Variants in LSM14A observed in about 807,000 individuals in gnomAD.
The protein encoded by LSM14A is protein LSM14 homolog A.
Under a neutral mutation model 52.4 loss-of-function variants are expected in LSM14A, and 14 were observed. That is an observed-to-expected ratio of 0.27 (90% confidence interval 0.18 to 0.42). LSM14A has a LOEUF of 0.42. LSM14A is among the 10% of genes least tolerant of loss of function. The pLI is 1.00. For missense variants in LSM14A, 417 were observed against 581.8 expected, an observed-to-expected ratio of 0.72 and a Z score of 2.91; for synonymous variants, 185 against 200.3, an observed-to-expected ratio of 0.92 and a Z score of 0.64.
chr19:34,192,752 A>C (rs2070538711), intron 1 of LSM14A, among the ~76,000 whole-genome samples: 1 of 150,558 alleles, frequency 6.6e-6, no homozygotes, highest in Non-Finnish European at 1.5e-5. Flanking sequence ...AAGCGGATGG[A>C]TCACTTGAGG....
At chr19:34,224,679 C>T (rs2073248189) in intron 9 of LSM14A, among the ~76,000 whole-genome samples, 1 of 152,182 alleles carries the variant, frequency 6.6e-6, no homozygotes, top group African/African-American at 2.4e-5. Context: ...TATATTTGGC[C>T]TCATTCCTCA....
In LSM14A at chr19:34,227,714, T is replaced by TA. The variant is rs1348169887; in HGVS notation, c.*327dup. On this transcript the variant is annotated 3_prime_UTR_variant, in exon 10 of 10. Transcript: ENST00000544216. Reference sequence around the variant, plus strand: ...TCATCACTGAAAGGTTTTTTTTTTTTATCACTAAATTGTATTTGGCAATTG... The same window carrying TA: ...TCATCACTGAAAGGTTTTTTTTTTTTAATCACTAAATTGTATTTGGCAATTG... The TA allele has an allele frequency of 2.6e-5, 7 of 269,312 alleles. No homozygotes were observed. The highest frequency in any genetic ancestry group is 5.4e-5 in the Admixed American group (1 of 18,476). 16.7% of individuals were successfully genotyped at this position (269,312 alleles called of 1,614,324 possible). A position where few individuals can be genotyped will look rare whatever the true frequency, so the allele number is the denominator to read the frequency against.
At chr19:34,172,841 C>T (rs1367548895) in intron 1 of LSM14A, 78 bp downstream of exon 1, 2 of 1,440,162 alleles carry the variant, frequency 1.4e-6, no homozygotes, top group Non-Finnish European at 1.8e-6. Context: ...CCCGCGGCCT[C>T]CTCGTTCCCT....
chr19:34,198,509 G>A (rs2071039922), intron 3 of LSM14A, among the ~76,000 whole-genome samples: 1 of 152,140 alleles, frequency 6.6e-6, no homozygotes, highest in South Asian at 2.1e-4. Flanking sequence ...CCGGCTACTA[G>A]GGAGGCTGAG....
intron 1 of LSM14A, among the ~76,000 whole-genome samples, chr19:34,180,260 A>AAAAT (rs1842968529): frequency 6.6e-6 from 1 of 152,204 alleles, no homozygotes; most frequent in Admixed American, 6.5e-5. Context: ...GTTGGTCTGT[A>AAAAT]AAATAATTTA....
In LSM14A at chr19:34,221,673, C is replaced by G. The variant is rs772084356; in HGVS notation, c.1303C>G (p.Arg435Gly). The change falls in exon 9 of 10, where the codon CGA (arginine) becomes GGA (glycine). Residue 435 changes from arginine (R) to glycine (G), a missense_variant. Arg to Gly is a moderately radical substitution (Grantham distance 125, BLOSUM62 -2). Coordinates refer to ENST00000544216, the MANE Select transcript of LSM14A (RefSeq NM_015578.4). Reference sequence around the variant, plus strand: ...CAGAGGTGGTACCTTCACTGCCCCTCGAGGATTTCGCGGTGGATTCAGAGG... The same window carrying G: ...CAGAGGTGGTACCTTCACTGCCCCTGGAGGATTTCGCGGTGGATTCAGAGG... The part of the protein sequence containing the change: ...GGRGGTFTAP[R>G]GFRGGFRGGR... The G allele has an allele frequency of 6.2e-7, 1 of 1,613,958 alleles. No homozygotes were observed. The highest frequency in any genetic ancestry group is 8.5e-7 in the Non-Finnish European group (1 of 1,180,000).
chr19:34,209,364 A>T (rs891232354), intron 4 of LSM14A, among the ~76,000 whole-genome samples: 1 of 152,232 alleles, frequency 6.6e-6, no homozygotes, highest in African/African-American at 2.4e-5. Context: ...ACTCACCATT[A>T]AAGTTGAGCT....
In LSM14A at chr19:34,227,505, TG is replaced by T. The variant is rs1369865814; in HGVS notation, c.*120del. 1 of 780,146 alleles carries T rather than the reference TG, an allele frequency of 1.3e-6. No individual in the cohort carries two copies. The highest frequency in any genetic ancestry group is 3.0e-5 in the Admixed American group (1 of 32,992). The allele number at this position is 780,146 out of a possible 1,614,324, so 48.3% of individuals were successfully genotyped here. On this transcript the variant is annotated 3_prime_UTR_variant, in exon 10 of 10. Coordinates refer to ENST00000544216, the MANE Select transcript of LSM14A (RefSeq NM_015578.4). ...TTCGCTGTACATTTGTCACCAGCAC[TG>T]GGTTTTTGTTTTTTGTTTGTTTTTC...
chr19:34,213,515 A>G (rs1320108570), intron 4 of LSM14A, among the ~76,000 whole-genome samples: 1 of 152,246 alleles, frequency 6.6e-6, no homozygotes, highest in Non-Finnish European at 1.5e-5. Flanking sequence ...GACACCTGCA[A>G]ATATGCACAG....
Position 34,198,918 on chromosome 19 carries a change from C to T in LSM14A, c.415+2155C>T, listed in dbSNP as rs538063516. 7.3e-4 allele frequency among the ~76,000 whole-genome samples: 111 copies of T among 151,700 alleles called. 1 individual carries two copies. The highest frequency in any genetic ancestry group is 2.3e-3 in the African/African-American group (96 of 41,404). On this transcript the variant is annotated intron_variant, in intron 3 of 9. Coordinates refer to ENST00000544216, the MANE Select transcript of LSM14A (RefSeq NM_015578.4). ...AGGAGCATGGCGTGAACCCAGGAGG[C>T]GGAGCTTGCGGTGAGCCAAGATCGT...
At chr19:34,201,383 C>G (rs547531314) in intron 3 of LSM14A, among the ~76,000 whole-genome samples, 1 of 152,182 alleles carries the variant, frequency 6.6e-6, no homozygotes, top group African/African-American at 2.4e-5. Flanking sequence ...TGCTCTGTCA[C>G]CCAGGCTAGA....
intron 3 of LSM14A, among the ~76,000 whole-genome samples, chr19:34,207,531 C>CT (rs2071792963): frequency 6.8e-6 from 1 of 146,268 alleles, no homozygotes; most frequent in Non-Finnish European, 1.5e-5. Context: ...TCTGAAGCCA[C>CT]ATTTTTTTTT....
At chr19:34,206,105 T>C (rs548141495) in intron 3 of LSM14A, among the ~76,000 whole-genome samples, 1 of 152,310 alleles carries the variant, frequency 6.6e-6, no homozygotes, top group Non-Finnish European at 1.5e-5. Flanking sequence ...TCTAATGAAA[T>C]TGAAACAGTA....
intron 2 of LSM14A, 71 bp downstream of exon 2, chr19:34,194,712 C>G (rs872236): frequency 0.17 from 234,902 of 1,382,424 alleles, 21,644 homozygotes; most frequent in Non-Finnish European, 0.19. Context: ...TTTTTTCTCT[C>G]TAGTTGAATG....
Position 34,194,585 on chromosome 19 carries a change from G to T in LSM14A, c.229G>T (p.Val77Phe). The change falls in exon 2 of 10, where the codon GTT (valine) becomes TTT (phenylalanine). Residue 77 changes from valine to phenylalanine, a missense_variant. Transcript: ENST00000544216. Reference protein sequence around the residue: ...FRGSDIKDLTVCEPPKPQCSL... With the variant: ...FRGSDIKDLTFCEPPKPQCSL... ...TGGGAGTGACATTAAAGACCTTACT[G>T]TTTGTGAGCCACCAAAACCACAGTG... 1.2e-6 allele frequency: 2 copies of T among 1,614,122 alleles called. No individual in the cohort carries two copies. Among genetic ancestry groups the T allele is most frequent in the Non-Finnish European group, 1.7e-6 (2 of 1,180,000 alleles).
intron 3 of LSM14A, among the ~76,000 whole-genome samples, chr19:34,201,478 G>A (rs1013943122): frequency 8.5e-5 from 13 of 152,286 alleles, no homozygotes; most frequent in South Asian, 2.1e-4. Context: ...GAGTAGCTGC[G>A]GTTACAAGCA....
In LSM14A at chr19:34,174,129, A is replaced by G. The variant is rs374932470; in HGVS notation, c.121+1366A>G. Among the ~76,000 whole-genome samples the G allele has an allele frequency of 1.8e-4, 27 of 152,216 alleles. No homozygotes were observed. In the South Asian group the frequency reaches 4.8e-3, roughly 27 times the overall value. On this transcript the variant is annotated intron_variant, in intron 1 of 9. Transcript: ENST00000544216. ...CACCCCTAGCTAATTTGGTATTTTT[A>G]GTAGAGACGGGGTTTCACCATGTTG...
intron 8 of LSM14A, among the ~76,000 whole-genome samples, chr19:34,220,156 A>G (rs547432525): frequency 1.3e-5 from 2 of 151,968 alleles, no homozygotes; most frequent in Non-Finnish European, 2.9e-5. Context: ...TTTTGTAGAG[A>G]TGGGGGTCTC....
At chr19:34,213,270 C>T (rs1472088092) in intron 4 of LSM14A, among the ~76,000 whole-genome samples, 2 of 152,116 alleles carry the variant, frequency 1.3e-5, no homozygotes, top group Non-Finnish European at 2.9e-5. Flanking sequence ...AATTGTAATG[C>T]TTCTATTAGT....
Sources: gnomAD v4.1 joint callset for allele counts (sites outside exome capture counted in the v4.1 genomes callset) on GRCh38, gnomAD v4.1.1 for gene constraint, MANE v1.5 for transcripts, NCBI Gene and HGNC (gene_info 2026-07-23, HGNC 2026-07-21) for gene names.